CSF1R: variants seen among roughly 807,000 people sequenced by gnomAD.
CSF1R encodes the protein colony stimulating factor 1 receptor, also known as macrophage colony-stimulating factor 1 receptor.
CSF1R carries 40 observed loss-of-function variants against 110.0 expected under a neutral mutation model. The observed-to-expected ratio is 0.36, with a 90% CI of 0.28 to 0.47. The LOEUF (loss-of-function observed/expected upper bound fraction) is 0.47, where lower values mean the gene tolerates loss of function less well. Ranked by LOEUF, CSF1R falls within the 20% of genes least tolerant of loss-of-function variation. The pLI, the probability that CSF1R is intolerant of heterozygous loss-of-function variation, is 0.99. For synonymous variants in CSF1R, 523 were observed against 503.4 expected, an observed-to-expected ratio of 1.04 and a Z score of -0.52; for missense variants, 1,052 against 1,253.0, an observed-to-expected ratio of 0.84 and a Z score of 2.42.
chr5:150,078,051 T>C lies in CSF1R; in HGVS notation c.729+61A>G. 1.9e-6 allele frequency: 3 copies of C among 1,602,532 alleles called. No homozygotes were observed. The East Asian group carries it at 6.7e-5, about 36-fold the overall frequency. On this transcript the variant is annotated intron_variant, in intron 4 of 20. Coordinates refer to ENST00000675795, the MANE Select transcript of CSF1R (RefSeq NM_001288705.3). ...GAGTTGGGGGCCCAGGACTCCACCA[T>C]GGGAAACCTGGTGTGCTGGGAGGAT...
At chr5:150,104,682 A>T (rs1759494980) in intron 1 of CSF1R, among the ~76,000 whole-genome samples, 1 of 152,190 alleles carries the variant, frequency 6.6e-6, no homozygotes, top group Non-Finnish European at 1.5e-5. Context: ...CTTTCCCAAG[A>T]TCACACAGCT....
chr5:150,057,223 C>T, intron 16 of CSF1R, 64 bp downstream of exon 16: 1 of 1,439,762 alleles, frequency 6.9e-7, no homozygotes, highest in Admixed American at 1.7e-5. Context: ...CCCATCGTCA[C>T]TCATCCAGCC....
intron 1 of CSF1R, among the ~76,000 whole-genome samples, chr5:150,108,014 GAA>G (rs762813900): frequency 6.6e-6 from 1 of 152,186 alleles, no homozygotes; most frequent in Non-Finnish European, 1.5e-5. Flanking sequence ...TCACCGGAGA[GAA>G]GAGTCAAGGA....
intron 1 of CSF1R, among the ~76,000 whole-genome samples, chr5:150,102,757 G>A (rs1759445390): frequency 6.6e-6 from 1 of 152,228 alleles, no homozygotes; most frequent in East Asian, 1.9e-4. Flanking sequence ...TGGGATTATA[G>A]GCATGAGCCA....
At chr5:150,055,982 G>GC in intron 18 of CSF1R, 44 bp downstream of exon 18, 2 of 1,571,402 alleles carry the variant, frequency 1.3e-6, no homozygotes, top group African/African-American at 2.7e-5. Context: ...GGCAACCAGA[G>GC]GAGCCAGCCC....
intron 16 of CSF1R, 39 bp from the exon 17 acceptor site, chr5:150,056,380 C>CCTACCTG (rs1391290026): frequency 1.2e-6 from 2 of 1,610,762 alleles, no homozygotes; most frequent in Non-Finnish European, 8.5e-7. Context: ...TGGGCCTTCT[C>CCTACCTG]CTACCTGAGC....
intron 14 of CSF1R, among the ~76,000 whole-genome samples, chr5:150,059,410 G>A (rs1360059844): frequency 6.6e-6 from 1 of 152,218 alleles, no homozygotes; most frequent in African/African-American, 2.4e-5. Context: ...CACACTGGGT[G>A]GTGATTTCAT....
chr5:150,082,155 C>T (rs954782942), intron 1 of CSF1R, among the ~76,000 whole-genome samples: 2 of 152,234 alleles, frequency 1.3e-5, no homozygotes, highest in Non-Finnish European at 2.9e-5. Context: ...TGGGCTCTGA[C>T]GCTGACCCAC....
intron 18 of CSF1R, 136 bp from the exon 19 acceptor site, chr5:150,055,472 T>A (rs1757163804): frequency 1.4e-6 from 1 of 723,744 alleles, no homozygotes; most frequent in South Asian, 1.7e-5. Flanking sequence ...TACCCGGTGC[T>A]TCCTGTGTGC....
At chr5:150,054,956 T>G (rs1036499111) in intron 19 of CSF1R, 8 of 381,850 alleles carry the variant, frequency 2.1e-5, no homozygotes, top group South Asian at 2.0e-4. Flanking sequence ...CACACATCAC[T>G]GCGCTCCAGC....
intron 10 of CSF1R, among the ~76,000 whole-genome samples, chr5:150,064,883 C>A (rs1581297402): frequency 6.6e-6 from 1 of 152,338 alleles, no homozygotes; most frequent in East Asian, 1.9e-4. Context: ...GTAAACCTCC[C>A]AGGGCACCTG....
chr5:150,091,309 G>A (rs1365730963), upstream of CSF1R, among the ~76,000 whole-genome samples: 1 of 152,160 alleles, frequency 6.6e-6, no homozygotes, highest in Non-Finnish European at 1.5e-5. Context: ...ATGGAAAACA[G>A]GGACCCAAAT....
intron 14 of CSF1R, among the ~76,000 whole-genome samples, chr5:150,059,339 C>T (rs186512718): frequency 1.1e-3 from 161 of 152,348 alleles, no homozygotes; most frequent in African/African-American, 2.6e-3. Flanking sequence ...CCACTGCACC[C>T]GGCCACATCT....
At chr5:150,059,964 G>A (rs957681757) in intron 13 of CSF1R, 102 bp from the exon 14 acceptor site, 1 of 1,328,868 alleles carries the variant, frequency 7.5e-7, no homozygotes. Flanking sequence ...CTTGGACTCA[G>A]CATAGCTGAG....
intron 2 of CSF1R, 95 bp from the exon 3 acceptor site, chr5:150,080,431 A>G (rs538557840): frequency 6.8e-7 from 1 of 1,470,966 alleles, no homozygotes; most frequent in Admixed American, 2.0e-5. Context: ...AGAGAGGCTG[A>G]TCATTCATCT....
chr5:150,109,698 AC>A (rs1759662453), intron 1 of CSF1R, among the ~76,000 whole-genome samples: 1 of 152,208 alleles, frequency 6.6e-6, no homozygotes, highest in African/African-American at 2.4e-5. Flanking sequence ...CACTATATGT[AC>A]TTAAAAGGGA....
rs564508848 is a variant in CSF1R, at chr5:150,070,075, A to G, written c.1320-12T>C. The G allele has an allele frequency of 1.3e-5, 21 of 1,612,636 alleles. No homozygotes were observed. The East Asian group carries it at 2.7e-4, about 21-fold the overall frequency. ...GGGCCTCATCACACCTGGCAAAAGC[A>G]GAATGTGGCTCAGAGCTTCAGGGTT... On this transcript the variant is annotated splice_polypyrimidine_tract_variant and intron_variant, in intron 8 of 20. Coordinates refer to ENST00000675795, the MANE Select transcript of CSF1R (RefSeq NM_001288705.3).
intron 10 of CSF1R, among the ~76,000 whole-genome samples, chr5:150,065,040 G>T (rs1401069836): frequency 6.6e-6 from 1 of 152,202 alleles, no homozygotes; most frequent in Admixed American, 6.5e-5. Flanking sequence ...GGTTCTTCCT[G>T]AGCTCTTCCT....
At chr5:150,076,112 C>T (rs1036886997) in intron 5 of CSF1R, among the ~76,000 whole-genome samples, 1 of 152,234 alleles carries the variant, frequency 6.6e-6, no homozygotes, top group Non-Finnish European at 1.5e-5. Context: ...ATCACCATAG[C>T]CAGAGACCTG....
Sources: allele counts gnomAD v4.1 joint callset (sites outside exome capture counted in the v4.1 genomes callset), GRCh38; gene constraint gnomAD v4.1.1; transcripts MANE v1.5; gene names NCBI Gene and HGNC (gene_info 2026-07-23, HGNC 2026-07-21).